Variants in DCBLD1 observed in about 807,000 individuals in gnomAD.
DCBLD1 encodes the protein discoidin, CUB and LCCL domain containing 1.
A neutral mutation model predicts 71.5 loss-of-function variants in DCBLD1; 57 were observed. The observed-to-expected ratio is 0.80, with a 90% CI of 0.64 to 0.99. DCBLD1 has a LOEUF of 0.99. Ranked by LOEUF, DCBLD1 falls within the 50% of genes least tolerant of loss-of-function variation. DCBLD1 has a pLI of 0.00. For missense variants in DCBLD1, 891 were observed against 923.5 expected (o/e 0.96, Z 0.46); for synonymous variants, 380 against 363.8 (o/e 1.04, Z -0.51).
chr6:117,508,537 C>T (rs1582985851), intron 2 of DCBLD1, among the ~76,000 whole-genome samples: 1 of 152,316 alleles, frequency 6.6e-6, no homozygotes, highest in East Asian at 1.9e-4. Context: ...AGATACTACT[C>T]TTAACTTTAC....
intron 7 of DCBLD1, among the ~76,000 whole-genome samples, chr6:117,538,104 G>T (rs1041266992): frequency 5.9e-5 from 9 of 152,072 alleles, no homozygotes; most frequent in Non-Finnish European, 8.8e-5. Context: ...TTTCTTCTTT[G>T]CCTTTATTGC....
chr6:117,549,568 G>GT lies in DCBLD1; in HGVS notation c.*1136dup. ...TTTTGCCAAAGAGGGAAGTGTGTGT[G>GT]TTTTTTTAATAGAAAATATGGACCA... On this transcript the variant is annotated 3_prime_UTR_variant, in exon 15 of 15. Transcript: ENST00000338728. The GT allele has an allele frequency of 1.0e-6, 1 of 985,196 alleles. No homozygotes were observed. The highest frequency in any genetic ancestry group is 4.7e-5 in the South Asian group (1 of 21,272). The allele number at this position is 985,196 out of a possible 1,614,324, so 61.0% of individuals were successfully genotyped here.
chr6:117,494,969 T>C (rs1237095210), intron 1 of DCBLD1: 2 of 152,194 alleles, frequency 1.3e-5, no homozygotes, highest in East Asian at 1.9e-4. Context: ...CACTATACAC[T>C]GTAAGGGCTT....
At chr6:117,566,734 GCT>G in intron 14 of DCBLD1, 1 of 584,346 alleles carries the variant, frequency 1.7e-6, no homozygotes, top group Non-Finnish European at 2.9e-6. Context: ...ACAAGGGAAA[GCT>G]CTTCATTCCT....
At chr6:117,566,353 TA>T (rs1189542806) in intron 14 of DCBLD1, among the ~76,000 whole-genome samples, 1 of 152,178 alleles carries the variant, frequency 6.6e-6, no homozygotes, top group African/African-American at 2.4e-5. Flanking sequence ...AAGGAAGTGC[TA>T]GAGTTTTTCC....
intron 14 of DCBLD1, among the ~76,000 whole-genome samples, chr6:117,547,089 T>C (rs945064273): frequency 4.6e-5 from 7 of 152,222 alleles, no homozygotes; most frequent in Non-Finnish European, 1.0e-4. Flanking sequence ...TTCTCTTTGC[T>C]TTTTTACCTC....
At chr6:117,549,908 C>A, downstream of DCBLD1, 1 of 948,814 alleles carries the variant, frequency 1.1e-6, no homozygotes, top group Non-Finnish European at 1.3e-6. Context: ...GAGCTTGGTG[C>A]CAGATTAGGC....
At chr6:117,482,966 GGGC>G (rs1776949462) in intron 1 of DCBLD1, 73 bp downstream of exon 1, 2 of 607,364 alleles carry the variant, frequency 3.3e-6, no homozygotes, top group African/African-American at 6.4e-5. Context: ...GGGGCGGGCC[GGGC>G]CGGGCCGAGG....
intron 1 of DCBLD1, among the ~76,000 whole-genome samples, chr6:117,492,826 G>C (rs1187996348): frequency 6.6e-6 from 1 of 152,082 alleles, no homozygotes; most frequent in Non-Finnish European, 1.5e-5. Context: ...CTATTTTCTT[G>C]TCAGTAAACA....
chr6:117,492,862 T>G (rs77394790), intron 1 of DCBLD1, among the ~76,000 whole-genome samples: 1 of 152,190 alleles, frequency 6.6e-6, no homozygotes. Flanking sequence ...GTGGATATGG[T>G]GCATAAACCT....
At chr6:117,543,014 C>A in intron 11 of DCBLD1, 110 bp from the exon 12 acceptor site, 1 of 843,766 alleles carries the variant, frequency 1.2e-6, no homozygotes, top group Non-Finnish European at 2.0e-6. Flanking sequence ...ATTCATTTTC[C>A]CCCTATATTA....
At chr6:117,502,114 T>C (rs1478935132) in intron 1 of DCBLD1, among the ~76,000 whole-genome samples, 1 of 152,220 alleles carries the variant, frequency 6.6e-6, no homozygotes, top group Non-Finnish European at 1.5e-5. Context: ...GTCCCCATTC[T>C]AGTTCCTGTA....
At chr6:117,567,779 G>A (rs1467467966) in intron 14 of DCBLD1, among the ~76,000 whole-genome samples, 2 of 151,990 alleles carry the variant, frequency 1.3e-5, no homozygotes, top group Non-Finnish European at 2.9e-5. Flanking sequence ...CCTACATAAT[G>A]AACAAGAATA....
chr6:117,530,555 G>A (rs1047302153), intron 5 of DCBLD1, among the ~76,000 whole-genome samples: 1 of 152,298 alleles, frequency 6.6e-6, no homozygotes, highest in African/African-American at 2.4e-5. Flanking sequence ...CACAGCCTGG[G>A]GGCTTGGGGA....
intron 2 of DCBLD1, among the ~76,000 whole-genome samples, chr6:117,507,583 C>T (rs1446983547): frequency 6.6e-6 from 1 of 152,160 alleles, no homozygotes; most frequent in African/African-American, 2.4e-5. Context: ...TTCACTATAG[C>T]TAAGGGAATT....
At chr6:117,504,930 C>T (rs1582981622) in intron 2 of DCBLD1, among the ~76,000 whole-genome samples, 2 of 152,320 alleles carry the variant, frequency 1.3e-5, no homozygotes, top group South Asian at 2.1e-4. Flanking sequence ...CTCAAACACA[C>T]ACAGCTTTCT....
chr6:117,548,985 A>G lies in DCBLD1; in HGVS notation c.*546A>G. ...AACTAGAACTGAAAGCATTTTTAAC[A>G]TTCTTCTCCTGGAAGAAATGAATTA... On this transcript the variant is annotated 3_prime_UTR_variant, in exon 15 of 15. Coordinates refer to ENST00000338728, the MANE Select transcript of DCBLD1 (RefSeq NM_001366458.2). 1 of 986,796 alleles carries G rather than the reference A, an allele frequency of 1.0e-6. No individual in the cohort carries two copies. Among genetic ancestry groups the G allele is most frequent in the Non-Finnish European group, 1.2e-6 (1 of 830,898 alleles). 61.1% of individuals were successfully genotyped at this position (986,796 alleles called of 1,614,324 possible).
chr6:117,548,129 A>G lies in DCBLD1; in HGVS notation c.1838A>G (p.His613Arg), dbSNP rs1319837041. The G allele has an allele frequency of 1.3e-6, 2 of 1,549,878 alleles. No individual in the cohort carries two copies. Among genetic ancestry groups the G allele is most frequent in the Admixed American group, 2.0e-5 (1 of 50,978 alleles). Residue 613 changes from histidine to arginine, a missense_variant, in exon 15 of 15, where the codon CAC becomes CGC. Transcript: ENST00000338728. ...PIVERHVLRA[H>R]TFSAQSGYRV... ...GTGGAGCGGCACGTGCTGCGCGCCC[A>G]CACGTTCTCTGCGCAGAGCGGCTAC...
chr6:117,539,374 GA>G lies in DCBLD1; in HGVS notation c.1100del (p.Lys367ArgfsTer37). On this transcript the variant is annotated frameshift_variant, in exon 9 of 15. Coordinates refer to ENST00000338728, the MANE Select transcript of DCBLD1 (RefSeq NM_001366458.2). LOFTEE classifies it high-confidence loss of function. The stretch of plus-strand genomic sequence containing the variant: ...CTATAAAGGAATTGTGAATAATGAA[GA>G]AAAGGTAAGAGGTAACCCTAGAGGC... ...KTYKGIVNNEEKVFQGNSNFR... is the reference protein window; with the variant it reads ...KTYKGIVNNEXKVFQGNSNFR... The G allele has an allele frequency of 6.2e-7, 1 of 1,602,172 alleles. No individual in the cohort carries two copies.
Sources: allele counts gnomAD v4.1 joint callset (sites outside exome capture counted in the v4.1 genomes callset), GRCh38; gene constraint gnomAD v4.1.1; transcripts MANE v1.5; gene names NCBI Gene and HGNC (gene_info 2026-07-23, HGNC 2026-07-21).